The following PCDHGA2 variants were observed in gnomAD, a reference collection of about 807,000 sequenced individuals.
The protein encoded by PCDHGA2 is protocadherin gamma-A2.
PCDHGA2 carries 40 observed loss-of-function variants against 59.2 expected under a neutral mutation model. That is an observed-to-expected ratio of 0.68 (90% CI 0.52 to 0.88). The LOEUF is 0.88. Ranked by LOEUF, PCDHGA2 falls within the 40% of genes least tolerant of loss-of-function variation. PCDHGA2 has a pLI of 0.00. For synonymous variants in PCDHGA2, 560 were observed against 526.0 expected (o/e 1.06, Z -0.89); for missense variants, 1,226 against 1,204.0 (o/e 1.02, Z -0.27).
In PCDHGA2 at chr5:141,491,219, C is replaced by T; in HGVS notation, c.2425-3588C>T. ...GGTGACCCTTCACTCTCCTCCACAG[C>T]CACAGTGCTGCTGGTTCTGGAGGAT... is the stretch of plus-strand genomic sequence containing the variant. On this transcript the variant is annotated intron_variant, in intron 1 of 3. Coordinates refer to ENST00000394576, the MANE Select transcript of PCDHGA2 (RefSeq NM_018915.4). The surrounding 1 kb of genome is among the most constrained non-coding windows in gnomAD (Gnocchi z 6.9). 3 of 1,614,208 alleles carry T rather than the reference C, an allele frequency of 1.9e-6. No homozygotes were observed. The highest frequency in any genetic ancestry group is 2.5e-6 in the Non-Finnish European group (3 of 1,180,028).
Position 141,429,387 on chromosome 5 carries a change from TAAA to T in PCDHGA2, c.2425-65414_2425-65412del, listed in dbSNP as rs11410533. Among the ~76,000 whole-genome samples, 27 of 151,446 alleles carry T rather than the reference TAAA, an allele frequency of 1.8e-4. No homozygotes were observed. In the East Asian group the frequency reaches 1.9e-3, roughly 11 times the overall value. ...AAATGGAGAAAATGTGTTTTTTTTTTAAAAAAAATTGAGATTAAGGTCTCATTA... is the reference window on the plus strand; with the variant it reads ...AAATGGAGAAAATGTGTTTTTTTTTTAAAAATTGAGATTAAGGTCTCATTA... On this transcript the variant is annotated intron_variant, in intron 1 of 3. Coordinates refer to ENST00000394576, the MANE Select transcript of PCDHGA2 (RefSeq NM_018915.4).
At chr5:141,392,818 C>A in intron 1 of PCDHGA2, 1 of 1,589,060 alleles carries the variant, frequency 6.3e-7, no homozygotes, top group Non-Finnish European at 8.6e-7. Flanking sequence ...ACAACAATGG[C>A]CGCTCCACAG....
intron 2 of PCDHGA2, among the ~76,000 whole-genome samples, chr5:141,504,078 CCAAA>C (rs1272625151): frequency 6.6e-6 from 1 of 152,078 alleles, no homozygotes; most frequent in South Asian, 2.1e-4. Context: ...CCAGATGGTG[CCAAA>C]CAGTTACCTA....
intron 1 of PCDHGA2, chr5:141,400,044 G>T: frequency 1.2e-6 from 2 of 1,613,672 alleles, no homozygotes; most frequent in Non-Finnish European, 1.7e-6. Context: ...AGCGCCTGCT[G>T]GTTGCTGTGC....
At chr5:141,421,748 G>A (rs763166274) in intron 1 of PCDHGA2, 4 of 1,613,944 alleles carry the variant, frequency 2.5e-6, no homozygotes, top group South Asian at 2.2e-5. Context: ...TACCAGCTCA[G>A]CCCTAATAAT....
chr5:141,354,426 C>A (rs1759540645), intron 1 of PCDHGA2, among the ~76,000 whole-genome samples: 2 of 152,236 alleles, frequency 1.3e-5, no homozygotes, highest in African/African-American at 4.8e-5. Context: ...GGAGCAAATT[C>A]TCTTCCCAAA....
At chr5:141,501,016 G>A (rs1042009106) in intron 2 of PCDHGA2, among the ~76,000 whole-genome samples, 7 of 151,716 alleles carry the variant, frequency 4.6e-5, no homozygotes, top group Non-Finnish European at 1.0e-4. Context: ...CTACAGGCAC[G>A]CGCCACCACG....
At chr5:141,394,097 A>C in intron 1 of PCDHGA2, 1 of 1,613,932 alleles carries the variant, frequency 6.2e-7, no homozygotes, top group South Asian at 1.1e-5. Context: ...CAGATCTAGG[A>C]ACACCACCTC....
intron 1 of PCDHGA2, chr5:141,375,696 G>A: frequency 6.2e-7 from 1 of 1,614,260 alleles, no homozygotes; most frequent in African/African-American, 1.3e-5. Flanking sequence ...AGCGACAGCG[G>A]GGACCCGCCT....
At chr5:141,384,192 C>G in intron 1 of PCDHGA2, 1 of 1,613,866 alleles carries the variant, frequency 6.2e-7, no homozygotes. Flanking sequence ...GAACTCCTCC[C>G]TTGTCCAGGG....
chr5:141,489,314 G>T lies in PCDHGA2; in HGVS notation c.2425-5493G>T. ...TGCATGTTGTCCTTGTGCTGCTGGG[G>T]CTGGGTGTCTGGGCAGCTTCGTTAC... On this transcript the variant is annotated intron_variant, in intron 1 of 3. Transcript: ENST00000394576. This position sits in a 1 kb window ranked among gnomAD's most constrained non-coding sequence, Gnocchi z 4.5. 6.3e-7 allele frequency: 1 copy of T among 1,596,908 alleles called. No individual in the cohort carries two copies. The highest frequency in any genetic ancestry group is 8.5e-7 in the Non-Finnish European group (1 of 1,170,694).
intron 1 of PCDHGA2, chr5:141,478,781 A>G: frequency 6.7e-7 from 1 of 1,485,388 alleles, no homozygotes; most frequent in Non-Finnish European, 9.0e-7. Flanking sequence ...TGTGGACCTA[A>G]TTCACATCCT....
At position 141,398,948 on chromosome 5, in the gene PCDHGA2, A is replaced by T. The variant is rs775133149; in HGVS notation, c.2424+57553A>T. The T allele has an allele frequency of 2.5e-6, 4 of 1,613,958 alleles. No homozygotes were observed. The South Asian group carries it at 3.3e-5, about 13-fold the overall frequency. On this transcript the variant is annotated intron_variant, in intron 1 of 3. Transcript: ENST00000394576. The stretch of plus-strand genomic sequence containing the variant: ...GCCACTGACCAAGACGAGGGCATCA[A>T]CTCAGAAATTACTTATTCCTTCTAC...
chr5:141,456,554 G>A (rs1003323522), intron 1 of PCDHGA2, among the ~76,000 whole-genome samples: 2 of 152,202 alleles, frequency 1.3e-5, no homozygotes, highest in Non-Finnish European at 2.9e-5. Flanking sequence ...GCCACTCGGG[G>A]CTGAAGCCCA....
chr5:141,400,155 A>C lies in PCDHGA2; in HGVS notation c.2424+58760A>C, dbSNP rs756922498. The C allele has an allele frequency of 5.0e-6, 8 of 1,613,966 alleles. 1 individual carries two copies. The South Asian group carries it at 6.6e-5, about 13-fold the overall frequency. ...TGCCGGATATCACTGACCGCCCTGT[A>C]CCCTCTGACCCCCAGGCTGAGCTGC... On this transcript the variant is annotated intron_variant, in intron 1 of 3. Transcript: ENST00000394576.
At chr5:141,350,308 T>C (rs1398850020) in intron 1 of PCDHGA2, 1 of 1,522,230 alleles carries the variant, frequency 6.6e-7, no homozygotes, top group Admixed American at 2.2e-5. Context: ...AGGTACTGTT[T>C]CCCTTCCTGC....
intron 1 of PCDHGA2, chr5:141,420,344 T>G (rs2096490860): frequency 2.2e-6 from 3 of 1,394,808 alleles, no homozygotes; most frequent in African/African-American, 1.5e-5. Flanking sequence ...TATAGTGGTA[T>G]TATTTTAAGA....
At chr5:141,370,837 C>T in intron 1 of PCDHGA2, 1 of 1,614,004 alleles carries the variant, frequency 6.2e-7, no homozygotes, top group Non-Finnish European at 8.5e-7. Flanking sequence ...CTGGCTCTCA[C>T]TGGAGCCACA....
intron 1 of PCDHGA2, chr5:141,404,006 C>A: frequency 6.2e-7 from 1 of 1,613,804 alleles, no homozygotes; most frequent in Non-Finnish European, 8.5e-7. Context: ...CATTACATCT[C>A]TGTTTAGCCC....
Sources: gnomAD v4.1 joint callset for allele counts (sites outside exome capture counted in the v4.1 genomes callset) on GRCh38, gnomAD v4.1.1 for gene constraint, Gnocchi (gnomAD v3.1) non-coding constraint, MANE v1.5 for transcripts, NCBI Gene and HGNC (gene_info 2026-07-23, HGNC 2026-07-21) for gene names.